The following POR variants were observed in gnomAD, a reference collection of about 807,000 sequenced individuals.
POR encodes the protein cytochrome p450 oxidoreductase, also known as NADPH--cytochrome P450 reductase.
Under a neutral mutation model 84.0 loss-of-function variants are expected in POR, and 56 were observed. That is an observed-to-expected ratio of 0.67 (90% CI 0.54 to 0.83). The LOEUF (loss-of-function observed/expected upper bound fraction) is 0.83, where lower values mean the gene tolerates loss of function less well. Among genes scored for constraint, POR ranks in the 40% least tolerant of loss-of-function variants. The probability of loss-of-function intolerance (pLI) is 0.00; values close to 1 mark genes in which losing one functional copy is unlikely to be tolerated. For synonymous variants in POR, 414 were observed against 400.5 expected (o/e 1.03, Z -0.40); for missense variants, 938 against 944.3 (o/e 0.99, Z 0.09).
chr7:75,983,566 C>A lies in POR; in HGVS notation c.877C>A (p.Arg293=). Residue 293 remains arginine (R), a synonymous_variant, in exon 9 of 16, where the codon CGG becomes AGG. Transcript: ENST00000461988. ...GTTCCTGGCTGCAGTCACCACCAAC[C>A]GGAAGCTGAACCAGGGAACCGAGCG... 1.2e-6 allele frequency: 2 copies of A among 1,613,124 alleles called. No homozygotes were observed. The highest frequency in any genetic ancestry group is 1.7e-6 in the Non-Finnish European group (2 of 1,179,842).
Position 75,930,817 on chromosome 7 carries a change from C to T in POR, c.-5+15638C>T, listed in dbSNP as rs117251631. 4.7e-4 allele frequency among the ~76,000 whole-genome samples: 67 copies of T among 142,100 alleles called. No homozygotes were observed. In the East Asian group the frequency reaches 9.5e-3, roughly 20 times the overall value. 93.2% of individuals were successfully genotyped at this position (142,100 alleles called of 152,430 possible). On this transcript the variant is annotated intron_variant, in intron 1 of 15. Coordinates refer to ENST00000461988, the MANE Select transcript of POR (RefSeq NM_000941.3). ...GATTACAGGCATGAGCCACCTTGCC[C>T]GGCCCTTATGTATTTATTTTTTAAA...
intron 1 of POR, among the ~76,000 whole-genome samples, chr7:75,924,729 A>G (rs1013353948): frequency 6.6e-6 from 1 of 152,126 alleles, no homozygotes; most frequent in Non-Finnish European, 1.5e-5. Flanking sequence ...AATAAATGAA[A>G]AATAGAAAAT....
chr7:75,923,255 C>A, intron 1 of POR: 2 of 1,191,168 alleles, frequency 1.7e-6, no homozygotes, highest in Non-Finnish European at 2.5e-6. Context: ...GTGTCTTTTG[C>A]TTGGAAGACC....
At chr7:75,985,278 G>A (rs1472750950) in intron 12 of POR, 71 bp downstream of exon 12, 1 of 1,467,356 alleles carries the variant, frequency 6.8e-7, no homozygotes, top group Non-Finnish European at 9.0e-7. Context: ...CAGAGTGCAA[G>A]GCGGCACAGG....
chr7:75,954,461 A>G (rs1254001212), intron 2 of POR, among the ~76,000 whole-genome samples: 2 of 152,288 alleles, frequency 1.3e-5, no homozygotes, highest in East Asian at 1.9e-4. Context: ...GGGCTCAAGA[A>G]TGTTAACGGG....
intron 2 of POR, among the ~76,000 whole-genome samples, chr7:75,961,851 A>G (rs1366492740): frequency 6.6e-6 from 1 of 152,122 alleles, no homozygotes; most frequent in African/African-American, 2.4e-5. Flanking sequence ...CCGTCTCTAC[A>G]AAAAACACAA....
chr7:75,979,089 G>A (rs1198976804), intron 3 of POR, among the ~76,000 whole-genome samples: 1 of 152,212 alleles, frequency 6.6e-6, no homozygotes, highest in East Asian at 1.9e-4. Flanking sequence ...GAGCCACCAC[G>A]CCCGGCTGCA....
chr7:75,915,393 C>G (rs782138830), intron 1 of POR: 1 of 152,284 alleles, frequency 6.6e-6, no homozygotes, highest in Non-Finnish European at 1.5e-5. Context: ...TAGAGCTGAT[C>G]TCCCGCGGCG....
intron 1 of POR, chr7:75,922,994 C>T (rs188425337): frequency 1.7e-4 from 115 of 672,368 alleles, no homozygotes; most frequent in Non-Finnish European, 2.6e-4. Context: ...ACCTTGGAAT[C>T]GCCAGATAAA....
chr7:75,946,598 T>G (rs1325762092), intron 1 of POR, among the ~76,000 whole-genome samples: 2 of 152,156 alleles, frequency 1.3e-5, no homozygotes, highest in East Asian at 3.9e-4. Flanking sequence ...CTGTACCTAA[T>G]TTTACAGATG....
At chr7:75,938,015 C>A (rs1807782143) in intron 1 of POR, among the ~76,000 whole-genome samples, 1 of 152,224 alleles carries the variant, frequency 6.6e-6, no homozygotes, top group Non-Finnish European at 1.5e-5. Context: ...CGGGGAGCTG[C>A]AGCTGCAGCA....
intron 2 of POR, among the ~76,000 whole-genome samples, chr7:75,966,938 C>T (rs1462870595): frequency 6.6e-6 from 1 of 152,168 alleles, no homozygotes; most frequent in Non-Finnish European, 1.5e-5. Flanking sequence ...ACAGCTGCCA[C>T]CTCTGTACGG....
Position 75,984,843 on chromosome 7 carries a change from T to TG in POR, c.1135dup (p.Asp379GlyfsTer71). 4.3e-6 allele frequency: 7 copies of TG among 1,612,570 alleles called. No homozygotes were observed. Among genetic ancestry groups the TG allele is most frequent in the Non-Finnish European group, 5.9e-6 (7 of 1,179,794 alleles). ...TACCGCACGGCCCTCACCTACTACC[T>TG]GGACATCACCAACCCGCCGCGTACC... On this transcript the variant is annotated frameshift_variant, in exon 11 of 16. Coordinates refer to ENST00000461988, the MANE Select transcript of POR (RefSeq NM_000941.3). LOFTEE classifies it high-confidence loss of function.
chr7:75,942,600 C>T (rs1786972122), intron 1 of POR, among the ~76,000 whole-genome samples: 1 of 151,826 alleles, frequency 6.6e-6, no homozygotes, highest in East Asian at 1.9e-4. Context: ...TTCCTTCATA[C>T]TTAGATCAAG....
rs1491354379 is a variant in POR, at chr7:75,935,618, CTT to C, written c.-4-18370_-4-18369del. On this transcript the variant is annotated intron_variant, in intron 1 of 15. Transcript: ENST00000461988. ...GCCTTTTTCCAAGGGCTGCTCGGGG[CTT>C]GTGTGTGTGTGTGTGTGTGTGTGTG... 6.4e-3 allele frequency among the ~76,000 whole-genome samples: 692 copies of C among 107,608 alleles called. 2 individuals carry two copies. The highest frequency in any genetic ancestry group is 8.8e-3 in the Non-Finnish European group (460 of 52,478). The allele number at this position is 107,608 out of a possible 152,430, so 70.6% of individuals were successfully genotyped here. A position where few individuals can be genotyped will look rare whatever the true frequency, so the allele number is the denominator to read the frequency against.
intron 2 of POR, among the ~76,000 whole-genome samples, chr7:75,964,562 C>T (rs983730145): frequency 6.6e-6 from 1 of 152,180 alleles, no homozygotes; most frequent in Non-Finnish European, 1.5e-5. Context: ...CCTGCCTCAG[C>T]CTTCCAAAGT....
At chr7:75,983,979 C>G (rs781946056) in intron 10 of POR, 123 bp downstream of exon 10, 4 of 701,556 alleles carry the variant, frequency 5.7e-6, no homozygotes, top group Non-Finnish European at 6.8e-6. Flanking sequence ...GCCCTTGCAC[C>G]GAGACTCCAC....
intron 3 of POR, 62 bp downstream of exon 3, chr7:75,972,523 A>G: frequency 6.8e-7 from 1 of 1,460,500 alleles, no homozygotes; most frequent in Non-Finnish European, 9.4e-7. Flanking sequence ...GCATGTAATC[A>G]AGTCTAGCAG....
chr7:75,973,123 A>G (rs542344418), intron 3 of POR, among the ~76,000 whole-genome samples: 448 of 151,930 alleles, frequency 2.9e-3, no homozygotes, highest in Non-Finnish European at 3.7e-3. Context: ...GCACCCAGCC[A>G]ATTTAACTAT....
Sources: allele counts gnomAD v4.1 joint callset (sites outside exome capture counted in the v4.1 genomes callset), GRCh38; gene constraint gnomAD v4.1.1; transcripts MANE v1.5; gene names NCBI Gene and HGNC (gene_info 2026-07-23, HGNC 2026-07-21).